Variants in PRKCE observed in about 807,000 individuals in gnomAD.
PRKCE encodes protein kinase C epsilon.
A neutral mutation model predicts 85.4 loss-of-function variants in PRKCE; 16 were observed. The observed-to-expected ratio is 0.19, with a 90% confidence interval of 0.13 to 0.28. The LOEUF is 0.28. Among genes scored for constraint, PRKCE ranks in the 10% least tolerant of loss-of-function variants. The pLI is 1.00. For missense variants in PRKCE, 573 were observed against 975.2 expected (o/e 0.59, Z 5.49); for synonymous variants, 388 against 371.5 (o/e 1.04, Z -0.51).
In PRKCE at chr2:46,145,992, G is replaced by A. The variant is rs190730020; in HGVS notation, c.1731+761G>A. ...GGAACTGTTTGCTATTTCCTGCATA[G>A]TGGCAGTTCTATGCTGTGAGTACAC... On this transcript the variant is annotated intron_variant, in intron 12 of 14. Coordinates refer to ENST00000306156, the MANE Select transcript of PRKCE (RefSeq NM_005400.3). This position sits in a 1 kb window ranked among gnomAD's most constrained non-coding sequence, Gnocchi z 4.6. 1.3e-5 allele frequency among the ~76,000 whole-genome samples: 2 copies of A among 152,342 alleles called. No homozygotes were observed. The highest frequency in any genetic ancestry group is 4.8e-5 in the African/African-American group (2 of 41,566).
At chr2:45,976,337 C>T (rs1251784217) in intron 2 of PRKCE, 92 bp from the exon 3 acceptor site, 5 of 1,450,366 alleles carry the variant, frequency 3.4e-6, no homozygotes, top group Non-Finnish European at 3.7e-6. Flanking sequence ...AGCTCCACTC[C>T]CCCAGGGATG....
At chr2:46,167,368 A>T (rs571760523) in intron 14 of PRKCE, among the ~76,000 whole-genome samples, 4 of 152,302 alleles carry the variant, frequency 2.6e-5, no homozygotes, top group African/African-American at 9.6e-5. Context: ...ACAGGTGAAC[A>T]CTTGGATGGT....
intron 2 of PRKCE, among the ~76,000 whole-genome samples, chr2:45,854,464 G>C (rs572692168): frequency 3.3e-5 from 5 of 152,302 alleles, no homozygotes; most frequent in African/African-American, 9.6e-5. Flanking sequence ...ATTAGCATTA[G>C]GTGGCATCAT....
At chr2:46,088,089 G>A (rs918851130) in intron 11 of PRKCE, among the ~76,000 whole-genome samples, 1 of 152,138 alleles carries the variant, frequency 6.6e-6, no homozygotes, top group Non-Finnish European at 1.5e-5. Flanking sequence ...TATCACATCA[G>A]CTTTGCCATA....
chr2:45,675,081 A>G (rs1476434599), intron 1 of PRKCE, among the ~76,000 whole-genome samples: 1 of 152,226 alleles, frequency 6.6e-6, no homozygotes, highest in Non-Finnish European at 1.5e-5. Flanking sequence ...ATGAGGTGAG[A>G]GTTTCCAAGC....
chr2:46,043,412 A>G (rs1445711005), intron 10 of PRKCE, among the ~76,000 whole-genome samples: 1 of 152,138 alleles, frequency 6.6e-6, no homozygotes, highest in Non-Finnish European at 1.5e-5. Flanking sequence ...TAACTATTTC[A>G]ATTTTTTTTA....
chr2:45,853,034 C>T (rs148491681), intron 2 of PRKCE, among the ~76,000 whole-genome samples: 1 of 152,286 alleles, frequency 6.6e-6, no homozygotes, highest in Non-Finnish European at 1.5e-5. Flanking sequence ...GCTGAGCAGG[C>T]ACCAGTTCCT....
chr2:45,711,272 C>T (rs1679611215), intron 1 of PRKCE, among the ~76,000 whole-genome samples: 1 of 152,226 alleles, frequency 6.6e-6, no homozygotes, highest in Admixed American at 6.5e-5. Context: ...TAATAGACAA[C>T]AGCTGCAAGG....
At chr2:45,835,329 A>G (rs1187276360) in intron 1 of PRKCE, among the ~76,000 whole-genome samples, 1 of 152,140 alleles carries the variant, frequency 6.6e-6, no homozygotes, top group African/African-American at 2.4e-5. Context: ...TGTAGGCTTG[A>G]TTTGTCCCAC....
At chr2:46,012,072 G>T (rs963687857) in intron 10 of PRKCE, among the ~76,000 whole-genome samples, 1 of 152,146 alleles carries the variant, frequency 6.6e-6, no homozygotes, top group Non-Finnish European at 1.5e-5. Flanking sequence ...GTTTGTGTGT[G>T]TACAGAATCC....
chr2:45,894,929 G>A (rs1020154527), intron 2 of PRKCE, among the ~76,000 whole-genome samples: 1 of 152,152 alleles, frequency 6.6e-6, no homozygotes, highest in Non-Finnish European at 1.5e-5. Flanking sequence ...TGCCATGTTG[G>A]CCAGGCTGGT....
intron 1 of PRKCE, chr2:45,770,709 CG>C (rs1044051855): frequency 2.6e-5 from 4 of 152,168 alleles, no homozygotes; most frequent in African/African-American, 9.7e-5. Flanking sequence ...GCTCTCTAAC[CG>C]TACCCTCTCT....
At chr2:45,702,249 C>A (rs1678709091) in intron 1 of PRKCE, among the ~76,000 whole-genome samples, 1 of 152,096 alleles carries the variant, frequency 6.6e-6, no homozygotes, top group African/African-American at 2.4e-5. Flanking sequence ...AAATGGGAGT[C>A]CTCCGCTCAG....
Position 45,699,061 on chromosome 2 carries a change from C to T in PRKCE, c.348+46613C>T, listed in dbSNP as rs1252682137. On this transcript the variant is annotated intron_variant, in intron 1 of 14. Coordinates refer to ENST00000306156, the MANE Select transcript of PRKCE (RefSeq NM_005400.3). ...TTCGTCTATTTCTATTTTTAATAGA[C>T]GCCTTATACCTCAGGCAGGTGGGGT... 4.6e-5 allele frequency among the ~76,000 whole-genome samples: 7 copies of T among 152,030 alleles called. No individual in the cohort carries two copies. In the South Asian group the frequency reaches 6.2e-4, roughly 14 times the overall value.
At chr2:45,985,776 G>A (rs1180713733) in intron 6 of PRKCE, among the ~76,000 whole-genome samples, 6 of 152,202 alleles carry the variant, frequency 3.9e-5, no homozygotes, top group African/African-American at 1.4e-4. Flanking sequence ...ACAAGAGGGA[G>A]GATAAGGTTG....
chr2:45,683,070 T>C (rs1199262956), intron 1 of PRKCE, among the ~76,000 whole-genome samples: 3 of 152,240 alleles, frequency 2.0e-5, no homozygotes, highest in Non-Finnish European at 4.4e-5. Context: ...ACTTTGAGCA[T>C]TTTATCCTCT....
At chr2:45,665,714 A>G (rs192848496) in intron 1 of PRKCE, among the ~76,000 whole-genome samples, 16 of 152,280 alleles carry the variant, frequency 1.1e-4, no homozygotes, top group African/African-American at 3.8e-4. Context: ...TTTTCTATAG[A>G]TATGTCCTAG....
chr2:45,906,417 T>A (rs1696978492), intron 2 of PRKCE, among the ~76,000 whole-genome samples: 1 of 152,258 alleles, frequency 6.6e-6, no homozygotes, highest in Non-Finnish European at 1.5e-5. Context: ...TCTGAAGACT[T>A]AAAGTTGTAC....
At chr2:45,842,866 C>A in intron 1 of PRKCE, 134 bp from the exon 2 acceptor site, 1 of 803,808 alleles carries the variant, frequency 1.2e-6, no homozygotes, top group Non-Finnish European at 2.1e-6. Flanking sequence ...ACCTAGCACT[C>A]AACACATTGT....
Sources: gnomAD v4.1 joint callset for allele counts (sites outside exome capture counted in the v4.1 genomes callset) on GRCh38, gnomAD v4.1.1 for gene constraint, Gnocchi (gnomAD v3.1) non-coding constraint, MANE v1.5 for transcripts, NCBI Gene and HGNC (gene_info 2026-07-23, HGNC 2026-07-21) for gene names.